Variants in BMP2K observed in about 807,000 individuals in gnomAD.
The protein encoded by BMP2K is BMP-2-inducible protein kinase.
BMP2K carries 74 observed loss-of-function variants against 116.0 expected under a neutral mutation model. That is an observed-to-expected ratio of 0.64 (90% CI 0.53 to 0.77). The LOEUF (loss-of-function observed/expected upper bound fraction) is 0.77, where lower values mean the gene tolerates loss of function less well. Among genes scored for constraint, BMP2K ranks in the 30% least tolerant of loss-of-function variants. BMP2K has a pLI of 0.00. For missense variants in BMP2K, 1,365 were observed against 1,403.6 expected, an observed-to-expected ratio of 0.97 and a Z score of 0.44; for synonymous variants, 486 against 502.5, an observed-to-expected ratio of 0.97 and a Z score of 0.44.
intron 9 of BMP2K, among the ~76,000 whole-genome samples, chr4:78,863,833 A>T (rs190823176): frequency 6.6e-6 from 1 of 152,312 alleles, no homozygotes; most frequent in African/African-American, 2.4e-5. Flanking sequence ...CAAACTTATT[A>T]TGAAAATTTT....
chr4:78,887,816 G>A (rs1268664117), intron 15 of BMP2K, among the ~76,000 whole-genome samples: 1 of 152,146 alleles, frequency 6.6e-6, no homozygotes, highest in Non-Finnish European at 1.5e-5. Context: ...GATGGAATAG[G>A]ATCGTGCATT....
intron 1 of BMP2K, among the ~76,000 whole-genome samples, chr4:78,805,796 C>G (rs991006215): frequency 6.6e-6 from 1 of 151,964 alleles, no homozygotes; most frequent in Non-Finnish European, 1.5e-5. Flanking sequence ...ATAGTGAAAC[C>G]TCGTCTCTAC....
intron 15 of BMP2K, among the ~76,000 whole-genome samples, chr4:78,901,312 C>T (rs1280135724): frequency 6.6e-6 from 1 of 151,976 alleles, no homozygotes; most frequent in African/African-American, 2.4e-5. Flanking sequence ...CCTTTTACCT[C>T]AGCCTCCCAA....
intron 1 of BMP2K, among the ~76,000 whole-genome samples, chr4:78,794,596 G>C (rs1475698795): frequency 1.3e-5 from 2 of 151,972 alleles, no homozygotes; most frequent in Admixed American, 1.3e-4. Flanking sequence ...TTATTTTTGA[G>C]ATGTCCTTGC....
At chr4:78,796,471 G>C (rs940454023) in intron 1 of BMP2K, among the ~76,000 whole-genome samples, 1 of 151,814 alleles carries the variant, frequency 6.6e-6, no homozygotes, top group Admixed American at 6.6e-5. Context: ...CACCAGCATG[G>C]CACATGTATA....
intron 6 of BMP2K, 102 bp downstream of exon 6, chr4:78,847,371 T>A: frequency 1.5e-6 from 1 of 673,986 alleles, no homozygotes; most frequent in Non-Finnish European, 2.3e-6. Flanking sequence ...TCCTAATAAG[T>A]AGAAGAGAGT....
intron 13 of BMP2K, among the ~76,000 whole-genome samples, chr4:78,876,648 T>G (rs1476301360): frequency 6.6e-6 from 1 of 152,204 alleles, no homozygotes; most frequent in African/African-American, 2.4e-5. Context: ...CAGTTAAGAC[T>G]TGTGAAATTG....
intron 1 of BMP2K, among the ~76,000 whole-genome samples, chr4:78,785,878 T>G (rs1727701970): frequency 6.6e-6 from 1 of 152,200 alleles, no homozygotes; most frequent in Non-Finnish European, 1.5e-5. Context: ...TTCCAGTTTA[T>G]TCTTCCTAAA....
intron 9 of BMP2K, 45 bp downstream of exon 9, chr4:78,861,513 A>C: frequency 2.8e-6 from 4 of 1,450,850 alleles, no homozygotes; most frequent in Non-Finnish European, 3.8e-6. Context: ...AAAAAAAATG[A>C]TAGGTCTTGT....
intron 10 of BMP2K, among the ~76,000 whole-genome samples, chr4:78,867,876 A>G (rs779585226): frequency 6.6e-6 from 1 of 152,214 alleles, no homozygotes; most frequent in Non-Finnish European, 1.5e-5. Flanking sequence ...CCTGGCCAAC[A>G]TGGCAAAACC....
chr4:78,860,800 C>T (rs1336944946), intron 8 of BMP2K, among the ~76,000 whole-genome samples: 1 of 133,844 alleles, frequency 7.5e-6, no homozygotes. Flanking sequence ...TTTTGTGAAG[C>T]CCTCGCCATA....
rs79082867 is a variant in BMP2K, at chr4:78,805,269, A to G, written c.179-20768A>G. Among the ~76,000 whole-genome samples the G allele has an allele frequency of 5.6e-3, 851 of 152,326 alleles. 11 individuals are homozygous for G. The highest frequency in any genetic ancestry group is 0.019 in the African/African-American group (806 of 41,584). On this transcript the variant is annotated intron_variant, in intron 1 of 15. Transcript: ENST00000502613. ...CTCTGAGTTCTTTTCCATGATCTAC[A>G]TAAGTGTTACCTTCTACCAGTACCA...
intron 7 of BMP2K, among the ~76,000 whole-genome samples, chr4:78,852,929 A>C (rs967337959): frequency 1.3e-4 from 20 of 152,076 alleles, no homozygotes; most frequent in African/African-American, 4.8e-4. Context: ...TATATTTTTC[A>C]AATGTGGCCT....
intron 15 of BMP2K, among the ~76,000 whole-genome samples, chr4:78,903,631 A>C (rs1249233524): frequency 6.6e-6 from 1 of 151,934 alleles, no homozygotes; most frequent in Non-Finnish European, 1.5e-5. Context: ...TGTAAAGTTG[A>C]GTATTCTTTT....
At chr4:78,822,634 T>C (rs1307810646) in intron 1 of BMP2K, among the ~76,000 whole-genome samples, 3 of 152,164 alleles carry the variant, frequency 2.0e-5, no homozygotes, top group African/African-American at 7.2e-5. Flanking sequence ...CATAATTTCA[T>C]GTTTGGAATT....
At chr4:78,870,301 G>T (rs554776114) in intron 10 of BMP2K, among the ~76,000 whole-genome samples, 1 of 152,302 alleles carries the variant, frequency 6.6e-6, no homozygotes, top group Admixed American at 6.5e-5. Context: ...AAATAGCCAT[G>T]TAAGTCATTA....
At chr4:78,829,787 T>TTTCTCTCTTCTCTTCTCTTCTCTTCTC (rs1730094701) in intron 2 of BMP2K, among the ~76,000 whole-genome samples, 2 of 86,594 alleles carry the variant, frequency 2.3e-5, no homozygotes, top group African/African-American at 4.2e-5. Context: ...TTTCTTTTCT[T>TTTCTCTCTTCTCTTCTCTTCTCTTCTC]TTCTCTTCTC....
chr4:78,815,061 T>C (rs952458697), intron 1 of BMP2K, among the ~76,000 whole-genome samples: 6 of 152,178 alleles, frequency 3.9e-5, no homozygotes, highest in Admixed American at 3.9e-4. Context: ...AGGGTAATGA[T>C]GAGAAAGGAT....
intron 1 of BMP2K, among the ~76,000 whole-genome samples, chr4:78,807,171 A>T (rs183069421): frequency 1.1e-4 from 17 of 151,808 alleles, no homozygotes; most frequent in African/African-American, 3.9e-4. Context: ...ATTATTTTCA[A>T]ATTTTTTCCC....
Sources: allele counts gnomAD v4.1 joint callset (sites outside exome capture counted in the v4.1 genomes callset), GRCh38; gene constraint gnomAD v4.1.1; transcripts MANE v1.5; gene names NCBI Gene and HGNC (gene_info 2026-07-23, HGNC 2026-07-21).